Variants in CFAP97 observed in about 807,000 individuals in gnomAD.
The protein encoded by CFAP97 is cilia- and flagella-associated protein 97.
CFAP97 carries 36 observed loss-of-function variants against 43.1 expected under a neutral mutation model. The observed-to-expected ratio is 0.84, with a 90% CI of 0.64 to 1.10. CFAP97 has a LOEUF of 1.10. CFAP97 is among the 50% of genes least tolerant of loss of function. The probability of loss-of-function intolerance (pLI) is 0.00; values close to 1 mark genes in which losing one functional copy is unlikely to be tolerated. For synonymous variants in CFAP97, 228 were observed against 225.7 expected, an observed-to-expected ratio of 1.01 and a Z score of -0.09; for missense variants, 657 against 620.3, an observed-to-expected ratio of 1.06 and a Z score of -0.63.
rs1036702824 is a variant in CFAP97, at chr4:185,169,867, T to C, written c.1321-5688A>G. 4 of 985,830 alleles carry C rather than the reference T, an allele frequency of 4.1e-6. No individual in the cohort carries two copies. The African/African-American group carries it at 7.0e-5, about 17-fold the overall frequency. 61.1% of individuals were successfully genotyped at this position (985,830 alleles called of 1,614,324 possible). On this transcript the variant is annotated intron_variant, in intron 3 of 4. Transcript: ENST00000458385. ...GCTTGCTTTCTTCAACGGAAGGAGA[T>C]AACAGACCTTAACCAGACAAGAAGG...
chr4:185,192,696 CT>C (rs1161476806), intron 1 of CFAP97, among the ~76,000 whole-genome samples: 25 of 147,046 alleles, frequency 1.7e-4, no homozygotes, highest in African/African-American at 6.3e-4. Context: ...TAAGATCAGA[CT>C]TGACCTTTGA....
chr4:185,181,997 A>G (rs1277256463), intron 2 of CFAP97, among the ~76,000 whole-genome samples: 1 of 152,122 alleles, frequency 6.6e-6, no homozygotes, highest in Non-Finnish European at 1.5e-5. Flanking sequence ...TTGCTCATCA[A>G]TGCTTCTTCA....
chr4:185,187,497 A>C (rs1736051547), intron 2 of CFAP97, among the ~76,000 whole-genome samples: 1 of 151,694 alleles, frequency 6.6e-6, no homozygotes, highest in Non-Finnish European at 1.5e-5. Flanking sequence ...AAAGCTCCCA[A>C]AGATAGATGT....
chr4:185,177,079 T>C (rs1735578776), intron 2 of CFAP97, among the ~76,000 whole-genome samples: 1 of 152,180 alleles, frequency 6.6e-6, no homozygotes, highest in African/African-American at 2.4e-5. Flanking sequence ...TCCAAAAGTA[T>C]TAAACTTGCT....
intron 1 of CFAP97, among the ~76,000 whole-genome samples, chr4:185,202,511 G>A (rs772197171): frequency 5.3e-5 from 8 of 150,784 alleles, no homozygotes; most frequent in Non-Finnish European, 1.2e-4. Flanking sequence ...TCAGGCCACT[G>A]CACTCCAGCC....
upstream of CFAP97, among the ~76,000 whole-genome samples, chr4:185,205,059 G>A (rs72704046): frequency 0.039 from 6,002 of 152,298 alleles, 196 homozygotes; most frequent in East Asian, 0.15. Flanking sequence ...TGCCTGTCCC[G>A]GGGAGTTCCA....
intron 2 of CFAP97, among the ~76,000 whole-genome samples, chr4:185,177,530 T>C (rs905460125): frequency 1.3e-5 from 2 of 152,058 alleles, no homozygotes; most frequent in African/African-American, 4.8e-5. Context: ...ACATTTTTAA[T>C]CCCCTATTTA....
intron 1 of CFAP97, among the ~76,000 whole-genome samples, chr4:185,192,732 TC>T (rs137902348): frequency 2.6e-5 from 3 of 113,938 alleles, no homozygotes; most frequent in African/African-American, 3.7e-5. Context: ...GAATTGACCT[TC>T]TTTTTTTTTT....
At chr4:185,201,549 AACTCCCT>A (rs1410469501) in intron 1 of CFAP97, among the ~76,000 whole-genome samples, 1 of 152,158 alleles carries the variant, frequency 6.6e-6, no homozygotes, top group African/African-American at 2.4e-5. Flanking sequence ...AAAAAATTAC[AACTCCCT>A]GAAGGCTCAG....
intron 1 of CFAP97, among the ~76,000 whole-genome samples, chr4:185,199,322 G>A (rs1736713020): frequency 6.6e-6 from 1 of 152,056 alleles, no homozygotes; most frequent in Non-Finnish European, 1.5e-5. Context: ...AGTGAGCCGC[G>A]ATCCGGCCAC....
chr4:185,177,552 G>A (rs1735601796), intron 2 of CFAP97, among the ~76,000 whole-genome samples: 1 of 152,014 alleles, frequency 6.6e-6, no homozygotes, highest in African/African-American at 2.4e-5. Flanking sequence ...AAATAAGTAT[G>A]GGCCAGGCAC....
chr4:185,162,959 C>T, intron 4 of CFAP97, 34 bp from the exon 5 acceptor site: 1 of 1,492,232 alleles, frequency 6.7e-7, no homozygotes, highest in Non-Finnish European at 8.9e-7. Flanking sequence ...ATCTGAGAAA[C>T]TTCTCCTCAC....
At chr4:185,169,949 TAATC>T (rs1579231841) in intron 3 of CFAP97, 3 of 1,016,360 alleles carry the variant, frequency 3.0e-6, no homozygotes, top group Non-Finnish European at 3.5e-6. Context: ...AAAGTACTGT[TAATC>T]AACAGATTAA....
intron 3 of CFAP97, among the ~76,000 whole-genome samples, chr4:185,168,350 C>T (rs552090795): frequency 1.1e-4 from 16 of 151,484 alleles, no homozygotes; most frequent in African/African-American, 3.6e-4. Flanking sequence ...CTCACACCTG[C>T]GATCCCAGCA....
chr4:185,169,548 G>C (rs1218612034), intron 3 of CFAP97: 37 of 901,526 alleles, frequency 4.1e-5, no homozygotes, highest in Non-Finnish European at 4.9e-5. Context: ...CTTTACAGCA[G>C]TATGAAAATG....
chr4:185,168,016 AAAAG>A (rs1560854895), intron 3 of CFAP97, among the ~76,000 whole-genome samples: 1 of 151,726 alleles, frequency 6.6e-6, no homozygotes, highest in East Asian at 1.9e-4. Context: ...AAAAAAAAAA[AAAAG>A]AACTTATTAA....
At position 185,175,975 on chromosome 4, in the gene CFAP97, G is replaced by C; in HGVS notation, c.1131C>G (p.Tyr377Ter). 6.2e-7 allele frequency: 1 copy of C among 1,613,702 alleles called. No individual in the cohort carries two copies. The highest frequency in any genetic ancestry group is 8.5e-7 in the Non-Finnish European group (1 of 1,179,834). ...GTCTCACCTCTTCTCTTGTGAAAGA[G>C]TAGTTTTTCCCGGGTGCTACTGAAG... ...DQPSVAPGKN[Y>*]SFTREEVRQI... is the part of the protein sequence containing the mutation. Residue 377 changes from tyrosine to a stop codon, truncating the protein, a stop_gained, in exon 3 of 5, where the codon TAC (tyrosine) becomes TAG (stop). Coordinates refer to ENST00000458385, the MANE Select transcript of CFAP97 (RefSeq NM_020827.3). LOFTEE classifies it high-confidence loss of function.
chr4:185,204,983 T>A (rs535003310), upstream of CFAP97, among the ~76,000 whole-genome samples: 8 of 152,356 alleles, frequency 5.3e-5, no homozygotes, highest in African/African-American at 1.9e-4. Context: ...TGGTATACAA[T>A]CCAGTAGTTA....
At chr4:185,206,956 G>A (rs963221003), upstream of CFAP97, among the ~76,000 whole-genome samples, 5 of 152,088 alleles carry the variant, frequency 3.3e-5, no homozygotes, top group African/African-American at 1.2e-4. Flanking sequence ...GAGTCTCAAC[G>A]CCAGAGCCTG....
Sources: gnomAD v4.1 joint callset for allele counts (sites outside exome capture counted in the v4.1 genomes callset) on GRCh38, gnomAD v4.1.1 for gene constraint, MANE v1.5 for transcripts, NCBI Gene and HGNC (gene_info 2026-07-23, HGNC 2026-07-21) for gene names.